Variants in PNPLA7 observed in about 807,000 individuals in gnomAD.
The protein encoded by PNPLA7 is patatin like domain 7, lysophospholipase.
PNPLA7 carries 153 observed loss-of-function variants against 161.7 expected under a neutral mutation model. That is an observed-to-expected ratio of 0.95 (90% confidence interval 0.83 to 1.08). The LOEUF (loss-of-function observed/expected upper bound fraction) is 1.08. Ranked by LOEUF, PNPLA7 falls within the 50% of genes least tolerant of loss-of-function variation. PNPLA7 has a pLI of 0.00. For synonymous variants in PNPLA7, 809 were observed against 782.1 expected, an observed-to-expected ratio of 1.03 and a Z score of -0.57; for missense variants, 1,739 against 1,856.6, an observed-to-expected ratio of 0.94 and a Z score of 1.16.
chr9:137,515,738 C>G (rs1281096292), intron 11 of PNPLA7, among the ~76,000 whole-genome samples: 3 of 146,502 alleles, frequency 2.0e-5, no homozygotes, highest in South Asian at 4.4e-4. Flanking sequence ...CCCTCCCCGC[C>G]CAATCCCGCC....
chr9:137,483,095 C>T (rs944382607), intron 21 of PNPLA7, among the ~76,000 whole-genome samples: 1 of 152,198 alleles, frequency 6.6e-6, no homozygotes, highest in Non-Finnish European at 1.5e-5. Context: ...CGGTCTCGAA[C>T]TCCTGACCTC....
At position 137,550,354 on chromosome 9, in the gene PNPLA7, GTC is replaced by G; in HGVS notation, c.-159_-158del. 1.2e-6 allele frequency: 1 copy of G among 804,526 alleles called. No individual in the cohort carries two copies. The highest frequency in any genetic ancestry group is 2.1e-6 in the Non-Finnish European group (1 of 480,082). 49.8% of individuals were successfully genotyped at this position (804,526 alleles called of 1,614,324 possible). On this transcript the variant is annotated 5_prime_UTR_variant, in exon 1 of 35. It removes the in-frame stop codon of an upstream open reading frame in the 5' UTR. Coordinates refer to ENST00000406427, the MANE Select transcript of PNPLA7 (RefSeq NM_001098537.3). Reference sequence around the variant, plus strand: ...CTGAAAGGAAAATCCTGCTGAAAAAGTCTGTTCTCCAGGAAGAAAAGCTGTCT... The same window carrying G: ...CTGAAAGGAAAATCCTGCTGAAAAAGTGTTCTCCAGGAAGAAAAGCTGTCT...
Position 137,484,574 on chromosome 9 carries a change from G to A in PNPLA7, c.2347+13C>T, listed in dbSNP as rs2132166602. ...ACCCAAGGATGGCTGGAGGCTGGGAGGCTCAGGCTTACCGATGGCGCTGAG... is the reference window on the plus strand; with the variant it reads ...ACCCAAGGATGGCTGGAGGCTGGGAAGCTCAGGCTTACCGATGGCGCTGAG... On this transcript the variant is annotated intron_variant, in intron 21 of 34. Transcript: ENST00000406427. 1.9e-6 allele frequency: 3 copies of A among 1,585,618 alleles called. No individual in the cohort carries two copies. Among genetic ancestry groups the A allele is most frequent in the East Asian group, 2.3e-5 (1 of 44,228 alleles).
chr9:137,462,620 A>G (rs1391525309), intron 30 of PNPLA7, 65 bp downstream of exon 30: 2 of 1,575,876 alleles, frequency 1.3e-6, no homozygotes, highest in Non-Finnish European at 1.7e-6. Context: ...CCCCTGCCGC[A>G]GGACAGGTGT....
intron 1 of PNPLA7, among the ~76,000 whole-genome samples, chr9:137,549,442 C>CACAT (rs1554782302): frequency 6.6e-6 from 1 of 150,440 alleles, no homozygotes; most frequent in Non-Finnish European, 1.5e-5. Flanking sequence ...TGGTGGTGGG[C>CACAT]GCCTGTAGTC....
chr9:137,492,636 G>A (rs1832829666), intron 20 of PNPLA7, among the ~76,000 whole-genome samples: 1 of 149,184 alleles, frequency 6.7e-6, no homozygotes, highest in East Asian at 2.0e-4. Flanking sequence ...AGCTGGGTGG[G>A]TGGGACTGCA....
At chr9:137,481,114 G>A (rs1008047350) in intron 21 of PNPLA7, 91 bp from the exon 22 acceptor site, 14 of 1,395,730 alleles carry the variant, frequency 1.0e-5, no homozygotes, top group Middle Eastern at 1.8e-4. Flanking sequence ...TACCGACGCC[G>A]AGCCAGGCAC....
At chr9:137,522,275 CGTGTGAGCCAGG>C (rs1564349739) in intron 9 of PNPLA7, among the ~76,000 whole-genome samples, 7 of 151,266 alleles carry the variant, frequency 4.6e-5, no homozygotes, top group African/African-American at 1.5e-4. Flanking sequence ...GGGGTTTCAC[CGTGTGAGCCAGG>C]ATGGTCTCGA....
At chr9:137,495,341 C>G (rs1832996467) in intron 18 of PNPLA7, among the ~76,000 whole-genome samples, 195 bp from the exon 19 acceptor site, 1 of 152,230 alleles carries the variant, frequency 6.6e-6, no homozygotes, top group Non-Finnish European at 1.5e-5. Flanking sequence ...AAAGGTGCCC[C>G]CTAGCAACCC....
chr9:137,485,712 C>T (rs1346369721), intron 20 of PNPLA7, among the ~76,000 whole-genome samples: 2 of 152,220 alleles, frequency 1.3e-5, no homozygotes, highest in East Asian at 1.9e-4. Flanking sequence ...ACCCCGGAGA[C>T]GCGAGTGAGG....
rs2132283349 is a variant in PNPLA7, at chr9:137,500,633, G to A, written c.1757+58C>T. The A allele has an allele frequency of 2.0e-6, 3 of 1,531,048 alleles. No individual in the cohort carries two copies. The highest frequency in any genetic ancestry group is 2.3e-5 in the East Asian group (1 of 43,842). The allele number at this position is 1,531,048 out of a possible 1,614,324, so 94.8% of individuals were successfully genotyped here. ...AGGAAGAGGCCGGCCACGCGGGGAG[G>A]GGTCTCAGGGCAGGGGGGGCTGGGG... On this transcript the variant is annotated intron_variant, in intron 16 of 34. Coordinates refer to ENST00000406427, the MANE Select transcript of PNPLA7 (RefSeq NM_001098537.3). The surrounding 1 kb of genome is among the most constrained non-coding windows in gnomAD (Gnocchi z 5.5).
intron 10 of PNPLA7, 40 bp downstream of exon 10, chr9:137,521,596 A>G (rs1214923968): frequency 6.3e-7 from 1 of 1,593,512 alleles, no homozygotes; most frequent in Non-Finnish European, 8.6e-7. Context: ...TGCCAGCTGC[A>G]TGGAGCAGCA....
chr9:137,502,411 G>T (rs1439839237), intron 14 of PNPLA7, among the ~76,000 whole-genome samples: 1 of 151,520 alleles, frequency 6.6e-6, no homozygotes, highest in African/African-American at 2.4e-5. Context: ...GACGGTGAAG[G>T]GGGTGAAGGC....
rs1245442310 is a variant in PNPLA7 at position 137,520,199 on chromosome 9, G to A, written c.958-156C>T. 6.6e-6 allele frequency among the ~76,000 whole-genome samples: 1 copy of A among 152,004 alleles called. No individual in the cohort carries two copies. Among genetic ancestry groups the A allele is most frequent in the African/African-American group, 2.4e-5 (1 of 41,384 alleles). ...TGACAGGTGTGGGACTCTCAAAGGT[G>A]TGACAGGTGTGGGCCTCTCAAAGGT... On this transcript the variant is annotated intron_variant, in intron 10 of 34. Coordinates refer to ENST00000406427, the MANE Select transcript of PNPLA7 (RefSeq NM_001098537.3). This position sits in a 1 kb window ranked among gnomAD's most constrained non-coding sequence, Gnocchi z 5.2.
intron 14 of PNPLA7, among the ~76,000 whole-genome samples, chr9:137,502,512 T>C (rs1047634657): frequency 9.5e-5 from 14 of 147,170 alleles, no homozygotes; most frequent in Non-Finnish European, 1.8e-4. Context: ...GAGAAGAATC[T>C]GAGCAGCCAC....
chr9:137,479,702 C>T, intron 23 of PNPLA7: 1 of 985,416 alleles, frequency 1.0e-6, no homozygotes, highest in South Asian at 4.7e-5. Context: ...AGGCAGGAAG[C>T]TGGAGAACAC....
intron 9 of PNPLA7, among the ~76,000 whole-genome samples, chr9:137,522,381 G>C (rs999546404): frequency 2.0e-5 from 3 of 149,144 alleles, no homozygotes; most frequent in Non-Finnish European, 4.4e-5. Flanking sequence ...GCCAAGAGAC[G>C]GGGTTTCACC....
intron 25 of PNPLA7, among the ~76,000 whole-genome samples, chr9:137,477,741 C>T (rs1832007591): frequency 6.6e-6 from 1 of 152,220 alleles, no homozygotes; most frequent in South Asian, 2.1e-4. Context: ...CGCGCCCGGC[C>T]CAAGCAACCA....
intron 25 of PNPLA7, among the ~76,000 whole-genome samples, chr9:137,470,918 A>T (rs1394080409): frequency 2.6e-5 from 4 of 152,220 alleles, no homozygotes; most frequent in Non-Finnish European, 5.9e-5. Flanking sequence ...AATAAAAGGG[A>T]ACTTCCTCAG....
Sources: allele counts gnomAD v4.1 joint callset (sites outside exome capture counted in the v4.1 genomes callset), GRCh38; gene constraint gnomAD v4.1.1; non-coding constraint Gnocchi (gnomAD v3.1); transcripts MANE v1.5; gene names NCBI Gene and HGNC (gene_info 2026-07-23, HGNC 2026-07-21).